Variants in TPMT observed in about 807,000 individuals in gnomAD.
The protein encoded by TPMT is thiopurine S-methyltransferase, also known as S-adenosyl-L-methionine:thiopurine S-methyltransferase.
Under a neutral mutation model 34.2 loss-of-function variants are expected in TPMT, and 18 were observed. The observed-to-expected ratio is 0.53, with a 90% CI of 0.36 to 0.78. TPMT has a LOEUF of 0.78. Among genes scored for constraint, TPMT ranks in the 30% least tolerant of loss-of-function variants. The pLI is 0.00. For synonymous variants in TPMT, 69 were observed against 92.4 expected (o/e 0.75, Z 1.45); for missense variants, 265 against 288.1 (o/e 0.92, Z 0.58).
In TPMT at chr6:18,136,594, G is replaced by A. The variant is rs566095193; in HGVS notation, c.494+2369C>T. ...TGGCCGAGGCGGGTGGATCAGCTGG[G>A]GTCCGGAGTTCGAGACCAGCCTGAC... is the stretch of plus-strand genomic sequence containing the variant. On this transcript the variant is annotated intron_variant, in intron 6 of 8. Coordinates refer to ENST00000309983, the MANE Select transcript of TPMT (RefSeq NM_000367.5). This position sits in a 1 kb window ranked among gnomAD's most constrained non-coding sequence, Gnocchi z 4.7. Among the ~76,000 whole-genome samples the A allele has an allele frequency of 6.6e-6, 1 of 152,240 alleles. No individual in the cohort carries two copies. Among genetic ancestry groups the A allele is most frequent in the South Asian group, 2.1e-4 (1 of 4,822 alleles).
In TPMT at chr6:18,150,232, G is replaced by A. The variant is rs1446566813; in HGVS notation, c.-44-1061C>T. Among the ~76,000 whole-genome samples, 3 of 152,182 alleles carry A rather than the reference G, an allele frequency of 2.0e-5. No individual in the cohort carries two copies. Among genetic ancestry groups the A allele is most frequent in the East Asian group, 1.9e-4 (1 of 5,200 alleles). ...GCACATTTATTATAAAGGATACTGC[G>A]AAGAATATACTTGAAGAGATGTGTT... On this transcript the variant is annotated intron_variant, in intron 1 of 8. Transcript: ENST00000309983. This position sits in a 1 kb window ranked among gnomAD's most constrained non-coding sequence, Gnocchi z 5.3.
intron 7 of TPMT, 27 bp downstream of exon 7, chr6:18,133,777 G>GAAAAAAAAAAAAAAAA: frequency 1.5e-6 from 2 of 1,348,424 alleles, no homozygotes; most frequent in Non-Finnish European, 1.0e-6. Context: ...ACTGGTAAAA[G>GAAAAAAAAAAAAAAAA]AAAAAAAAAA....
Position 18,130,468 on chromosome 6 carries a change from T to C in TPMT, c.*200A>G, listed in dbSNP as rs1478930334. ...AATCTCCTCTCCAAAGGAGCTACTTTAAAAGTTTAGTTACATCTTTTTCTT... is the reference window on the plus strand; with the variant it reads ...AATCTCCTCTCCAAAGGAGCTACTTCAAAAGTTTAGTTACATCTTTTTCTT... On this transcript the variant is annotated 3_prime_UTR_variant, in exon 9 of 9. Transcript: ENST00000309983. The surrounding 1 kb of genome is among the most constrained non-coding windows in gnomAD (Gnocchi z 4.2). 5.7e-6 allele frequency: 3 copies of C among 530,908 alleles called. No individual in the cohort carries two copies. Among genetic ancestry groups the C allele is most frequent in the Non-Finnish European group, 1.0e-5 (3 of 295,116 alleles). The allele number at this position is 530,908 out of a possible 1,614,324, so 32.9% of individuals were successfully genotyped here. A position where few individuals can be genotyped will look rare whatever the true frequency, so the allele number is the denominator to read the frequency against.
At position 18,135,032 on chromosome 6, in the gene TPMT, C is replaced by G. The variant is rs1554137424; in HGVS notation, c.495-1143G>C. ...GCAGACTCTATGAGATGCCCAGGCTCAAACCCCAGCTCCTCTACTGACTGG... is the reference window on the plus strand; with the variant it reads ...GCAGACTCTATGAGATGCCCAGGCTGAAACCCCAGCTCCTCTACTGACTGG... On this transcript the variant is annotated intron_variant, in intron 6 of 8. Coordinates refer to ENST00000309983, the MANE Select transcript of TPMT (RefSeq NM_000367.5). The surrounding 1 kb of genome is among the most constrained non-coding windows in gnomAD (Gnocchi z 5.0). 6.6e-6 allele frequency among the ~76,000 whole-genome samples: 1 copy of G among 152,178 alleles called. No homozygotes were observed. The highest frequency in any genetic ancestry group is 1.5e-5 in the Non-Finnish European group (1 of 68,046).
rs1397593043 is a variant in TPMT, at chr6:18,148,261, C to T, written c.141-346G>A. Among the ~76,000 whole-genome samples the T allele has an allele frequency of 2.0e-5, 3 of 152,076 alleles. No homozygotes were observed. The highest frequency in any genetic ancestry group is 7.2e-5 in the African/African-American group (3 of 41,412). ...CAACATTAATTTCATGGTACGTTCT[C>T]TAAACGTGTACTCAAGCCTCGGAAG... is the stretch of plus-strand genomic sequence containing the variant. On this transcript the variant is annotated intron_variant, in intron 2 of 8. Coordinates refer to ENST00000309983, the MANE Select transcript of TPMT (RefSeq NM_000367.5). The surrounding 1 kb of genome is among the most constrained non-coding windows in gnomAD (Gnocchi z 4.1).
rs1561886129 is a variant in TPMT, at chr6:18,132,636, G to T, written c.581-459C>A. Among the ~76,000 whole-genome samples the T allele has an allele frequency of 6.6e-6, 1 of 152,078 alleles. No homozygotes were observed. Among genetic ancestry groups the T allele is most frequent in the African/African-American group, 2.4e-5 (1 of 41,430 alleles). ...GGCCTGCTGTATTTTCTTCCCAAAGGTTCTTTGTTAGGGCTTCTGTTCATT... is the reference window on the plus strand; with the variant it reads ...GGCCTGCTGTATTTTCTTCCCAAAGTTTCTTTGTTAGGGCTTCTGTTCATT... On this transcript the variant is annotated intron_variant, in intron 7 of 8. Transcript: ENST00000309983. This position sits in a 1 kb window ranked among gnomAD's most constrained non-coding sequence, Gnocchi z 4.8.
rs41534546 is a variant in TPMT, at chr6:18,132,357, A to G, written c.581-180T>C. Among the ~76,000 whole-genome samples, 5,464 of 152,258 alleles carry G rather than the reference A, an allele frequency of 0.036. 122 individuals are homozygous for G. The highest frequency in any genetic ancestry group is 0.081 in the South Asian group (390 of 4,822). ...GAGAGGATGGCAATGTTACATCCCC[A>G]TCATATCCATCTTTAGCTTAGATGA... On this transcript the variant is annotated intron_variant, in intron 7 of 8. Transcript: ENST00000309983. The surrounding 1 kb of genome is among the most constrained non-coding windows in gnomAD (Gnocchi z 4.8).
rs1784173999 is a variant in TPMT, at chr6:18,143,043, T to C, written c.366+553A>G. On this transcript the variant is annotated intron_variant, in intron 4 of 8. Transcript: ENST00000309983. The surrounding 1 kb of genome is among the most constrained non-coding windows in gnomAD (Gnocchi z 6.1). ...CCTCATGGGTGATTTAAGTAGTATC[T>C]TCCCGAGGTGTCCAAGACCATGGAC... Among the ~76,000 whole-genome samples the C allele has an allele frequency of 6.6e-6, 1 of 152,136 alleles. No individual in the cohort carries two copies. The highest frequency in any genetic ancestry group is 2.4e-5 in the African/African-American group (1 of 41,428).
rs1354891676 is a variant in TPMT, at chr6:18,145,858, C to T, written c.233+1965G>A. Among the ~76,000 whole-genome samples the T allele has an allele frequency of 2.6e-5, 4 of 152,122 alleles. No homozygotes were observed. The highest frequency in any genetic ancestry group is 5.9e-5 in the Non-Finnish European group (4 of 68,024). On this transcript the variant is annotated intron_variant, in intron 3 of 8. Transcript: ENST00000309983. This position sits in a 1 kb window ranked among gnomAD's most constrained non-coding sequence, Gnocchi z 5.6. The stretch of plus-strand genomic sequence containing the variant: ...ATAAGACCAAGTGTGGTGGCTTATG[C>T]CTGTTATCCCAGCATGTTGGGAGGG...
rs1036787635 is a variant in TPMT at position 18,135,385 on chromosome 6, T to C, written c.495-1496A>G. On this transcript the variant is annotated intron_variant, in intron 6 of 8. Coordinates refer to ENST00000309983, the MANE Select transcript of TPMT (RefSeq NM_000367.5). This position sits in a 1 kb window ranked among gnomAD's most constrained non-coding sequence, Gnocchi z 5.0. Reference sequence around the variant, plus strand: ...TCAAAAAGTCCAGAAAAATGAGGTCTGCCCTACTGGTTTACATTAGGCAAG... The same window carrying C: ...TCAAAAAGTCCAGAAAAATGAGGTCCGCCCTACTGGTTTACATTAGGCAAG... Among the ~76,000 whole-genome samples the C allele has an allele frequency of 7.2e-5, 11 of 152,196 alleles. No homozygotes were observed. Among genetic ancestry groups the C allele is most frequent in the Non-Finnish European group, 1.5e-4 (10 of 68,032 alleles).
Position 18,135,857 on chromosome 6 carries a change from G to A in TPMT, c.495-1968C>T, listed in dbSNP as rs889633201. 2.6e-5 allele frequency among the ~76,000 whole-genome samples: 4 copies of A among 151,980 alleles called. No homozygotes were observed. The highest frequency in any genetic ancestry group is 6.6e-5 in the Admixed American group (1 of 15,230). ...GCACTCCAGCCTGGGCAACAAGAGT[G>A]GAACTCCATCTCAAAAAAAAACCCT... On this transcript the variant is annotated intron_variant, in intron 6 of 8. Transcript: ENST00000309983. This position sits in a 1 kb window ranked among gnomAD's most constrained non-coding sequence, Gnocchi z 5.0.
In TPMT at chr6:18,143,012, ATGAGGCCTCATGGG is replaced by A. The variant is rs1361281480; in HGVS notation, c.366+570_366+583del. 6.6e-6 allele frequency among the ~76,000 whole-genome samples: 1 copy of A among 151,676 alleles called. No homozygotes were observed. Among genetic ancestry groups the A allele is most frequent in the Non-Finnish European group, 1.5e-5 (1 of 67,930 alleles). ...GCTACTTCCCTTCAAATCACTTCCTATGAGGCCTCATGGGTGATTTAAGTAGTATCTTCCCGAGG... is the reference window on the plus strand; with the variant it reads ...GCTACTTCCCTTCAAATCACTTCCTATGATTTAAGTAGTATCTTCCCGAGG... On this transcript the variant is annotated intron_variant, in intron 4 of 8. Transcript: ENST00000309983. The surrounding 1 kb of genome is among the most constrained non-coding windows in gnomAD (Gnocchi z 6.1).
Position 18,143,048 on chromosome 6 carries a change from G to A in TPMT, c.366+548C>T, listed in dbSNP as rs1014137085. On this transcript the variant is annotated intron_variant, in intron 4 of 8. Coordinates refer to ENST00000309983, the MANE Select transcript of TPMT (RefSeq NM_000367.5). This position sits in a 1 kb window ranked among gnomAD's most constrained non-coding sequence, Gnocchi z 6.1. ...TGGGTGATTTAAGTAGTATCTTCCC[G>A]AGGTGTCCAAGACCATGGACCCAGG... Among the ~76,000 whole-genome samples, 2 of 151,962 alleles carry A rather than the reference G, an allele frequency of 1.3e-5. No homozygotes were observed. The highest frequency in any genetic ancestry group is 1.5e-5 in the Non-Finnish European group (1 of 68,004).
rs922832634 is a variant in TPMT at position 18,133,028 on chromosome 6, C to T, written c.580+776G>A. Among the ~76,000 whole-genome samples the T allele has an allele frequency of 7.2e-5, 11 of 151,978 alleles. 1 individual carries two copies. Among genetic ancestry groups the T allele is most frequent in the Admixed American group, 5.2e-4 (8 of 15,250 alleles). ...GAATCACTTGAACCCGGAAGGCGGA[C>T]GTTGCAGTGAGCCGAGATGAAACCA... On this transcript the variant is annotated intron_variant, in intron 7 of 8. Transcript: ENST00000309983.
At position 18,139,128 on chromosome 6, in the gene TPMT, A is replaced by G; in HGVS notation, c.420-91T>C. On this transcript the variant is annotated intron_variant, in intron 5 of 8. Transcript: ENST00000309983. The surrounding 1 kb of genome is among the most constrained non-coding windows in gnomAD (Gnocchi z 4.2). ...CCCCATGGTGCATGCTGGTACTTCA[A>G]CAATCGTCAAGGTATTAGGATCTCA... 1 of 1,125,352 alleles carries G rather than the reference A, an allele frequency of 8.9e-7. No individual in the cohort carries two copies. The highest frequency in any genetic ancestry group is 1.4e-6 in the Non-Finnish European group (1 of 734,952). 69.7% of individuals were successfully genotyped at this position (1,125,352 alleles called of 1,614,324 possible). A position where few individuals can be genotyped will look rare whatever the true frequency, so the allele number is the denominator to read the frequency against.
At position 18,152,403 on chromosome 6, in the gene TPMT, A is replaced by C. The variant is rs1252137531; in HGVS notation, c.-45+2630T>G. 2.6e-5 allele frequency among the ~76,000 whole-genome samples: 4 copies of C among 152,196 alleles called. No homozygotes were observed. The East Asian group carries it at 7.7e-4, about 29-fold the overall frequency. On this transcript the variant is annotated intron_variant, in intron 1 of 8. Transcript: ENST00000309983. ...CAAAAACAGATTAAAGTAGATACTG[A>C]ACCATAGTTCAATATCCTATCTCTA...
In TPMT at chr6:18,136,395, C is replaced by A. The variant is rs1784041050; in HGVS notation, c.495-2506G>T. ...ATGTAAAGACTGTCAGAGCGAATACCATGTATAATCTGTTCAGTTACTTGC... is the reference window on the plus strand; with the variant it reads ...ATGTAAAGACTGTCAGAGCGAATACAATGTATAATCTGTTCAGTTACTTGC... On this transcript the variant is annotated intron_variant, in intron 6 of 8. Transcript: ENST00000309983. The surrounding 1 kb of genome is among the most constrained non-coding windows in gnomAD (Gnocchi z 4.7). Among the ~76,000 whole-genome samples the A allele has an allele frequency of 6.6e-6, 1 of 151,886 alleles. No homozygotes were observed. The highest frequency in any genetic ancestry group is 2.4e-5 in the African/African-American group (1 of 41,320).
intron 4 of TPMT, among the ~76,000 whole-genome samples, chr6:18,142,439 T>C (rs1285434356): frequency 1.3e-5 from 2 of 152,008 alleles, no homozygotes; most frequent in Non-Finnish European, 2.9e-5. Context: ...ACCAATCACA[T>C]AGGATGCCCC....
Position 18,139,118 on chromosome 6 carries a change from T to C in TPMT, c.420-81A>G, listed in dbSNP as rs1582041167. 6.7e-6 allele frequency: 8 copies of C among 1,199,810 alleles called. No homozygotes were observed. The East Asian group carries it at 1.9e-4, about 28-fold the overall frequency. 74.3% of individuals were successfully genotyped at this position (1,199,810 alleles called of 1,614,324 possible). ...GAGCAGCGTCCCCCATGGTGCATGC[T>C]GGTACTTCAACAATCGTCAAGGTAT... is the stretch of plus-strand genomic sequence containing the variant. On this transcript the variant is annotated intron_variant, in intron 5 of 8. Transcript: ENST00000309983. The surrounding 1 kb of genome is among the most constrained non-coding windows in gnomAD (Gnocchi z 4.2).
Sources: allele counts gnomAD v4.1 joint callset (sites outside exome capture counted in the v4.1 genomes callset), GRCh38; gene constraint gnomAD v4.1.1; non-coding constraint Gnocchi (gnomAD v3.1); transcripts MANE v1.5; gene names NCBI Gene and HGNC (gene_info 2026-07-23, HGNC 2026-07-21).